PCDH9: variants seen among roughly 807,000 people sequenced by gnomAD.
PCDH9 encodes protocadherin-9.
A neutral mutation model predicts 70.6 loss-of-function variants in PCDH9; 24 were observed. The observed-to-expected ratio is 0.34, with a 90% CI of 0.25 to 0.48. The LOEUF (loss-of-function observed/expected upper bound fraction) is 0.48, where lower values mean the gene tolerates loss of function less well. PCDH9 is among the 20% of genes least tolerant of loss of function. The pLI, the probability that PCDH9 is intolerant of heterozygous loss-of-function variation, is 0.99. For missense variants in PCDH9, 1,281 were observed against 1,503.6 expected (o/e 0.85, Z 2.45); for synonymous variants, 562 against 558.5 (o/e 1.01, Z -0.09).
intron 2 of PCDH9, among the ~76,000 whole-genome samples, chr13:66,978,684 TA>T (rs1335033675): frequency 1.4e-4 from 21 of 149,468 alleles, no homozygotes; most frequent in African/African-American, 4.9e-4. Context: ...TCTATAAGAA[TA>T]TATATATTAT....
intron 3 of PCDH9, among the ~76,000 whole-genome samples, chr13:66,790,126 A>C (rs201691452): frequency 7.5e-4 from 114 of 152,240 alleles, no homozygotes; most frequent in Non-Finnish European, 1.1e-3. Flanking sequence ...ATGTAAGACA[A>C]ATTTTTTTTG....
At chr13:66,473,942 C>A (rs1332335872) in intron 4 of PCDH9, among the ~76,000 whole-genome samples, 1 of 152,110 alleles carries the variant, frequency 6.6e-6, no homozygotes, top group Non-Finnish European at 1.5e-5. Flanking sequence ...AGATACAAAA[C>A]TCCTTAATTC....
intron 2 of PCDH9, among the ~76,000 whole-genome samples, chr13:66,907,602 T>C (rs1189090379): frequency 1.3e-5 from 2 of 152,188 alleles, no homozygotes; most frequent in East Asian, 3.8e-4. Context: ...TTTTACTCTT[T>C]CATTTTTGAA....
intron 2 of PCDH9, among the ~76,000 whole-genome samples, chr13:67,161,550 A>G (rs756330569): frequency 1.3e-5 from 2 of 152,232 alleles, no homozygotes; most frequent in Non-Finnish European, 2.9e-5. Context: ...GGTAAGCTCC[A>G]AAGAGAGCCA....
At chr13:67,004,038 A>G (rs1189713690) in intron 2 of PCDH9, among the ~76,000 whole-genome samples, 1 of 152,178 alleles carries the variant, frequency 6.6e-6, no homozygotes, top group Admixed American at 6.5e-5. Flanking sequence ...GAAACTGAGA[A>G]GAGAAAAATG....
chr13:67,192,163 G>A (rs2088933884), intron 2 of PCDH9, among the ~76,000 whole-genome samples: 2 of 151,854 alleles, frequency 1.3e-5, no homozygotes, highest in African/African-American at 4.8e-5. Context: ...TTGGGGATGG[G>A]GAAAAACAAA....
chr13:66,624,882 A>T (rs2138914540), intron 4 of PCDH9, among the ~76,000 whole-genome samples: 1 of 152,336 alleles, frequency 6.6e-6, no homozygotes, highest in East Asian at 1.9e-4. Context: ...AGTATTTCAT[A>T]TATTGATTCC....
intron 2 of PCDH9, among the ~76,000 whole-genome samples, chr13:66,979,832 CT>C (rs988079040): frequency 6.6e-6 from 1 of 152,174 alleles, no homozygotes; most frequent in Admixed American, 6.6e-5. Flanking sequence ...CTCTCTCCTT[CT>C]TTTTTGTCTC....
intron 2 of PCDH9, among the ~76,000 whole-genome samples, chr13:67,088,852 T>C (rs2086161478): frequency 2.6e-5 from 4 of 152,050 alleles, no homozygotes; most frequent in Admixed American, 2.0e-4. Flanking sequence ...AGGAAGACAA[T>C]GATTGCAGTT....
At chr13:66,838,649 T>C (rs2081065069) in intron 3 of PCDH9, among the ~76,000 whole-genome samples, 1 of 152,068 alleles carries the variant, frequency 6.6e-6, no homozygotes, top group Non-Finnish European at 1.5e-5. Flanking sequence ...CCCATGTGAA[T>C]GTTTGCATTT....
At chr13:66,426,764 T>G (rs1957677564) in intron 4 of PCDH9, among the ~76,000 whole-genome samples, 1 of 151,648 alleles carries the variant, frequency 6.6e-6, no homozygotes, top group African/African-American at 2.4e-5. Flanking sequence ...ACATGCATCC[T>G]TTACTATTAA....
intron 4 of PCDH9, among the ~76,000 whole-genome samples, chr13:66,535,045 AATCTGCTTG>A (rs1403446977): frequency 6.6e-6 from 1 of 152,054 alleles, no homozygotes; most frequent in Non-Finnish European, 1.5e-5. Context: ...CTTTGATCCA[AATCTGCTTG>A]ATTGTTCATG....
chr13:66,446,321 A>ATTCT (rs779442487), intron 4 of PCDH9, among the ~76,000 whole-genome samples: 9 of 152,028 alleles, frequency 5.9e-5, no homozygotes, highest in Non-Finnish European at 1.3e-4. Context: ...CACACTCAGA[A>ATTCT]ATGTTTAAAA....
intron 3 of PCDH9, among the ~76,000 whole-genome samples, chr13:66,856,871 C>T (rs527462434): frequency 6.6e-6 from 1 of 152,078 alleles, no homozygotes; most frequent in East Asian, 1.9e-4. Context: ...TAACCAGGTA[C>T]AAGTCTTTTT....
chr13:66,689,661 CAT>C (rs758483924), intron 3 of PCDH9, among the ~76,000 whole-genome samples: 14 of 152,142 alleles, frequency 9.2e-5, no homozygotes, highest in Non-Finnish European at 1.8e-4. Context: ...TCTCAGAAAT[CAT>C]ATAAAACCTG....
chr13:66,341,716 T>C (rs979684185), intron 4 of PCDH9, among the ~76,000 whole-genome samples: 1 of 147,588 alleles, frequency 6.8e-6, no homozygotes, highest in Non-Finnish European at 1.5e-5. Flanking sequence ...ACACTTGCAC[T>C]GAGCTGGTTT....
intron 4 of PCDH9, among the ~76,000 whole-genome samples, chr13:66,416,752 A>G (rs558273886): frequency 1.3e-5 from 2 of 152,136 alleles, no homozygotes; most frequent in African/African-American, 4.8e-5. Context: ...TAGCAACAAA[A>G]TTGGTAGTCT....
intron 4 of PCDH9, among the ~76,000 whole-genome samples, chr13:66,570,130 T>A (rs1351972683): frequency 6.6e-6 from 1 of 152,036 alleles, no homozygotes; most frequent in East Asian, 1.9e-4. Context: ...CTCCGGGGGA[T>A]TATACTGAAG....
At chr13:67,170,658 C>T (rs1049630855) in intron 2 of PCDH9, among the ~76,000 whole-genome samples, 2 of 152,160 alleles carry the variant, frequency 1.3e-5, no homozygotes, top group South Asian at 4.1e-4. Context: ...GGCACTATGG[C>T]TCAGGCCTGT....
Sources: gnomAD v4.1 joint callset for allele counts (sites outside exome capture counted in the v4.1 genomes callset) on GRCh38, gnomAD v4.1.1 for gene constraint, MANE v1.5 for transcripts, NCBI Gene and HGNC (gene_info 2026-07-23, HGNC 2026-07-21) for gene names.